Variants in TBX3 observed in about 807,000 individuals in gnomAD.
TBX3 encodes the protein T-box transcription factor TBX3.
TBX3 carries 11 observed loss-of-function variants against 47.8 expected under a neutral mutation model. The ratio of observed to expected loss-of-function variants is 0.23; its 90% CI spans 0.14 to 0.38. The LOEUF is 0.38. Among genes scored for constraint, TBX3 ranks in the 10% least tolerant of loss-of-function variants. The probability of loss-of-function intolerance (pLI) is 1.00; values close to 1 mark genes in which losing one functional copy is unlikely to be tolerated. For synonymous variants in TBX3, 500 were observed against 449.3 expected (o/e 1.11, Z -1.43); for missense variants, 927 against 1,022.8 (o/e 0.91, Z 1.28).
chr12:114,676,334 C>T lies in TBX3; in HGVS notation c.1018G>A (p.Val340Ile), dbSNP rs748769415. 1 of 1,614,072 alleles carries T rather than the reference C, an allele frequency of 6.2e-7. No individual in the cohort carries two copies. The highest frequency in any genetic ancestry group is 8.5e-7 in the Non-Finnish European group (1 of 1,180,030). The change falls in exon 5 of 7, where the codon GTA becomes ATA. Residue 340 changes from valine (V) to isoleucine (I), a missense_variant. Physicochemically the swap from Val to Ile is conservative, Grantham distance 29. Coordinates refer to ENST00000349155, the MANE Select transcript of TBX3 (RefSeq NM_005996.4). ...TTACCTTTGAGGTTCGATGTCCCTA[C>T]AGTGGAGGCGGCTGGAGAAGAAGCC... ...AQASSPAAST[V>I]GTSNLKDLCP...
intron 6 of TBX3, among the ~76,000 whole-genome samples, 191 bp from the exon 7 acceptor site, chr12:114,672,493 A>T (rs1338054208): frequency 6.6e-6 from 1 of 151,598 alleles, no homozygotes; most frequent in East Asian, 1.9e-4. Context: ...ACACTCAGAA[A>T]TCTCTAGGTA....
chr12:114,679,345 G>A (rs955490057), intron 3 of TBX3, among the ~76,000 whole-genome samples, 160 bp downstream of exon 3: 1 of 151,980 alleles, frequency 6.6e-6, no homozygotes, highest in East Asian at 1.9e-4. Context: ...CTGTCTCCTC[G>A]AGGTGTCATT....
In TBX3 at chr12:114,672,255, C is replaced by G. The variant is rs752590045; in HGVS notation, c.1758G>C (p.Thr586=). The G allele has an allele frequency of 2.5e-6, 4 of 1,576,640 alleles. No homozygotes were observed. Among genetic ancestry groups the G allele is most frequent in the South Asian group, 1.2e-5 (1 of 86,148 alleles). ...PFGSLFPYPY[T]YMAAAAAASS... is the part of the protein sequence containing the mutation. ...AGGCGGCCGCCGCTGCGGCCATGTA[C>G]GTGTAGGGGTAAGGGAACAGGCTTC... is the stretch of plus-strand genomic sequence containing the variant. The change falls in exon 7 of 7, where the codon ACG becomes ACC. Residue 586 remains threonine (T), a synonymous_variant. Coordinates refer to ENST00000349155, the MANE Select transcript of TBX3 (RefSeq NM_005996.4).
Position 114,682,892 on chromosome 12 carries a change from G to A in TBX3, c.309C>T (p.Pro103=), listed in dbSNP as rs534364535. The A allele has an allele frequency of 6.3e-5, 102 of 1,614,200 alleles. 2 individuals carry two copies. The South Asian group carries it at 1.0e-3, about 16-fold the overall frequency. The change falls in exon 1 of 7, where the codon CCC becomes CCT. Residue 103 remains proline, a synonymous_variant. Transcript: ENST00000349155. ...MEPEEEVEDD[P]KVHLEAKELW... is the part of the protein sequence containing the mutation. ...GTTCTTTAGCCTCCAGGTGCACCTT[G>A]GGGTCGTCCTCCACCTCTTCTTCGG...
chr12:114,683,075 G>T lies in TBX3; in HGVS notation c.126C>A (p.Pro42=). 3 of 1,610,948 alleles carry T rather than the reference G, an allele frequency of 1.9e-6. No homozygotes were observed. Among genetic ancestry groups the T allele is most frequent in the Non-Finnish European group, 2.5e-6 (3 of 1,178,168 alleles). The stretch of plus-strand genomic sequence containing the variant: ...CGCCGTTGGGAGGCAGCGTCAGCGC[G>T]GGGAAGAACGGCGGCTGGTGACCCA... The part of the protein sequence containing the change: ...AVLGHQPPFF[P]ALTLPPNGAA... The change falls in exon 1 of 7, where the codon CCC becomes CCA. Residue 42 remains proline, a synonymous_variant. Coordinates refer to ENST00000349155, the MANE Select transcript of TBX3 (RefSeq NM_005996.4). The surrounding 1 kb of genome is among the most constrained non-coding windows in gnomAD (Gnocchi z 7.7).
chr12:114,672,383 C>T (rs1357308682), intron 6 of TBX3, 81 bp from the exon 7 acceptor site: 8 of 1,224,636 alleles, frequency 6.5e-6, no homozygotes, highest in African/African-American at 4.7e-5. Flanking sequence ...TCTCCCCCTC[C>T]AACATTGGGC....
rs1868618420 is a variant in TBX3 at position 114,674,607 on chromosome 12, G to A, written c.1268C>T (p.Ser423Leu). 6.2e-7 allele frequency: 1 copy of A among 1,600,936 alleles called. No individual in the cohort carries two copies. Among genetic ancestry groups the A allele is most frequent in the South Asian group, 1.1e-5 (1 of 89,886 alleles). Reference sequence around the variant, plus strand: ...CGCGCCCAGGCCGCGAGTGCTGGACGAGATGGTGGCGGGGCTATGGCGTGA... The same window carrying A: ...CGCGCCCAGGCCGCGAGTGCTGGACAAGATGGTGGCGGGGCTATGGCGTGA... ...PDSRHSPATI[S>L]SSTRGLGAEE... The change falls in exon 6 of 7, where the codon TCG (serine) becomes TTG (leucine). Residue 423 changes from serine (S) to leucine (L), a missense_variant. By Grantham distance (145) the Ser-to-Leu change is moderately radical. Around this residue, in one of 5 missense-constraint regions of TBX3, gnomAD observed 623 missense variants for 569.0 expected, o/e 1.09. Coordinates refer to ENST00000349155, the MANE Select transcript of TBX3 (RefSeq NM_005996.4).
chr12:114,672,653 G>A (rs951749751), intron 6 of TBX3, among the ~76,000 whole-genome samples: 3 of 152,052 alleles, frequency 2.0e-5, no homozygotes, highest in African/African-American at 7.2e-5. Flanking sequence ...CCTGCAATAT[G>A]CTGCACACAG....
chr12:114,679,440 C>G, intron 3 of TBX3, 65 bp downstream of exon 3: 1 of 1,608,496 alleles, frequency 6.2e-7, no homozygotes, highest in Non-Finnish European at 8.5e-7. Context: ...CTCATCCTGA[C>G]TTAAAGCAGC....
In TBX3 at chr12:114,683,217, G is replaced by A. The variant is rs373600125; in HGVS notation, c.-17C>T. ...GAGGCTCATCCACTCCAGGCGGGGC[G>A]CTGGGCTCCAGCCGGGGACAAGTCC... On this transcript the variant is annotated 5_prime_UTR_variant, in exon 1 of 7. Transcript: ENST00000349155. This position sits in a 1 kb window ranked among gnomAD's most constrained non-coding sequence, Gnocchi z 7.7. 212 of 1,607,044 alleles carry A rather than the reference G, an allele frequency of 1.3e-4. No individual in the cohort carries two copies. The highest frequency in any genetic ancestry group is 3.9e-4 in the Middle Eastern group (2 of 5,160).
Position 114,674,404 on chromosome 12 carries a change from G to T in TBX3, c.1471C>A (p.Gln491Lys), listed in dbSNP as rs1868599241. The change falls in exon 6 of 7, where the codon CAG becomes AAG. Residue 491 changes from glutamine to lysine, a missense_variant. Physicochemically the swap from Gln to Lys is moderately conservative, Grantham distance 53. Around this residue, in one of 5 missense-constraint regions of TBX3, gnomAD observed 623 missense variants for 569.0 expected, o/e 1.09. Transcript: ENST00000349155. ...LGFAPGLAGQ[Q>K]FFNGHPLFLH... ...AAGAGCGGGTGCCCGTTGAAGAACT[G>T]TTGGCCCGCCAGGCCCGGGGCGAAG... The T allele has an allele frequency of 6.4e-7, 1 of 1,551,100 alleles. No homozygotes were observed. The highest frequency in any genetic ancestry group is 1.4e-5 in the African/African-American group (1 of 73,084).
At position 114,671,507 on chromosome 12, in the gene TBX3, T is replaced by C. The variant is rs2121372955; in HGVS notation, c.*334A>G. The C allele has an allele frequency of 2.2e-6, 1 of 450,390 alleles. No individual in the cohort carries two copies. The highest frequency in any genetic ancestry group is 3.8e-5 in the East Asian group (1 of 26,538). 27.9% of individuals were successfully genotyped at this position (450,390 alleles called of 1,614,324 possible). Reference sequence around the variant, plus strand: ...ATAAATCCGCACTGAGGGAGATGTCTTTGAACACCTCCCCGCCTGGTGGGC... The same window carrying C: ...ATAAATCCGCACTGAGGGAGATGTCCTTGAACACCTCCCCGCCTGGTGGGC... On this transcript the variant is annotated 3_prime_UTR_variant, in exon 7 of 7. Coordinates refer to ENST00000349155, the MANE Select transcript of TBX3 (RefSeq NM_005996.4).
At chr12:114,677,471 C>A in intron 4 of TBX3, 109 bp downstream of exon 4, 1 of 1,072,968 alleles carries the variant, frequency 9.3e-7, no homozygotes, top group African/African-American at 1.6e-5. Context: ...TGAATGATTT[C>A]CACCCGCTCT....
At position 114,674,130 on chromosome 12, in the gene TBX3, G is replaced by T. The variant is rs112123944; in HGVS notation, c.1710+35C>A. 4,087 of 1,567,336 alleles carry T rather than the reference G, an allele frequency of 2.6e-3. 21 individuals carry two copies. The highest frequency in any genetic ancestry group is 2.4e-3 in the Non-Finnish European group (2,742 of 1,156,296). ...GGACAGGGAAACTGGACGAAAGGTG[G>T]AAAGACTGGTGGAGGCAGGAAGAAG... On this transcript the variant is annotated intron_variant, in intron 6 of 6. Coordinates refer to ENST00000349155, the MANE Select transcript of TBX3 (RefSeq NM_005996.4).
intron 4 of TBX3, 55 bp downstream of exon 4, chr12:114,677,525 A>G: frequency 6.4e-7 from 1 of 1,557,988 alleles, no homozygotes; most frequent in Non-Finnish European, 8.8e-7. Flanking sequence ...TCAGAGTTGG[A>G]TCCTAAAAAA....
chr12:114,670,839 A>T lies in TBX3; in HGVS notation c.*1002T>A. On this transcript the variant is annotated 3_prime_UTR_variant, in exon 7 of 7. Transcript: ENST00000349155. ...CTGACAGTTGCAATTCTATTTACAC[A>T]GAGCTATGTACAATGTCAATAAATT... The T allele has an allele frequency of 4.6e-6, 1 of 216,086 alleles. No individual in the cohort carries two copies. The highest frequency in any genetic ancestry group is 7.1e-5 in the East Asian group (1 of 14,184). 13.4% of individuals were successfully genotyped at this position (216,086 alleles called of 1,614,324 possible).
chr12:114,674,998 A>T (rs1405662776), intron 5 of TBX3, among the ~76,000 whole-genome samples, 163 bp from the exon 6 acceptor site: 2 of 152,230 alleles, frequency 1.3e-5, no homozygotes, highest in Non-Finnish European at 2.9e-5. Flanking sequence ...GTCATCTGCA[A>T]AATGGGGATA....
At chr12:114,677,391 AG>A (rs1565860614) in intron 4 of TBX3, among the ~76,000 whole-genome samples, 188 bp downstream of exon 4, 2 of 152,172 alleles carry the variant, frequency 1.3e-5, no homozygotes, top group African/African-American at 4.8e-5. Context: ...ATTTCCTTAA[AG>A]GTAAGGAGGT....
At chr12:114,675,629 T>TGA (rs1169486977) in intron 5 of TBX3, among the ~76,000 whole-genome samples, 1 of 109,892 alleles carries the variant, frequency 9.1e-6, no homozygotes, top group Non-Finnish European at 1.8e-5. Flanking sequence ...TTCTTCCCGT[T>TGA]GAGAGTGTGT....
Sources: allele counts gnomAD v4.1 joint callset (sites outside exome capture counted in the v4.1 genomes callset), GRCh38; gene constraint gnomAD v4.1.1; regional missense constraint gnomAD v4.1.1; non-coding constraint Gnocchi (gnomAD v3.1); transcripts MANE v1.5; gene names NCBI Gene and HGNC (gene_info 2026-07-23, HGNC 2026-07-21).